Variants in ANK3 observed in about 807,000 individuals in gnomAD.
ANK3 encodes the protein ankyrin 3.
ANK3 carries 57 observed loss-of-function variants against 370.9 expected under a neutral mutation model. That is an observed-to-expected ratio of 0.15 (90% CI 0.12 to 0.19). ANK3 has a LOEUF of 0.19. ANK3 is among the 10% of genes least tolerant of loss of function. The pLI, the probability that ANK3 is intolerant of heterozygous loss-of-function variation, is 1.00. For synonymous variants in ANK3, 1,929 were observed against 1,946.3 expected (o/e 0.99, Z 0.23); for missense variants, 4,439 against 5,302.1 (o/e 0.84, Z 5.06).
intron 2 of ANK3, among the ~76,000 whole-genome samples, chr10:60,486,504 C>CA (rs1328881175): frequency 6.6e-6 from 1 of 152,174 alleles, no homozygotes; most frequent in Admixed American, 6.5e-5. Flanking sequence ...CACTTGAACC[C>CA]AGGAGGCAGA....
At chr10:60,518,931 G>A (rs1168671638) in intron 2 of ANK3, among the ~76,000 whole-genome samples, 2 of 152,164 alleles carry the variant, frequency 1.3e-5, no homozygotes, top group South Asian at 2.1e-4. Flanking sequence ...ACTGGGAGGC[G>A]TCCCCATCTC....
chr10:60,602,501 C>T (rs2078078017), intron 2 of ANK3, among the ~76,000 whole-genome samples: 1 of 152,044 alleles, frequency 6.6e-6, no homozygotes, highest in African/African-American at 2.4e-5. Flanking sequence ...GGATACCAAC[C>T]CTAGAGACCT....
In ANK3 at chr10:60,561,441, G is replaced by A. The variant is rs544368436; in HGVS notation, c.96+53745C>T. On this transcript the variant is annotated intron_variant, in intron 2 of 43. Transcript: ENST00000373827. Reference sequence around the variant, plus strand: ...TGCAAGAAGTTTTAAAATTCCTCACGTACATAAGGCACAGTGGCTAACAAG... The same window carrying A: ...TGCAAGAAGTTTTAAAATTCCTCACATACATAAGGCACAGTGGCTAACAAG... Among the ~76,000 whole-genome samples, 4 of 152,206 alleles carry A rather than the reference G, an allele frequency of 2.6e-5. No individual in the cohort carries two copies. In the East Asian group the frequency reaches 7.7e-4, roughly 29 times the overall value.
At chr10:60,698,802 A>T (rs2133414610) in intron 1 of ANK3, among the ~76,000 whole-genome samples, 1 of 150,210 alleles carries the variant, frequency 6.7e-6, no homozygotes, top group African/African-American at 2.4e-5. Flanking sequence ...ACCTAATGCT[A>T]GATGACGAGC....
At chr10:60,571,055 G>GTT (rs35835220) in intron 2 of ANK3, among the ~76,000 whole-genome samples, 1,809 of 133,524 alleles carry the variant, frequency 0.014, 39 homozygotes, top group African/African-American at 0.042. Context: ...AACCTGACAG[G>GTT]TTTTTTTTTT....
intron 4 of ANK3, among the ~76,000 whole-genome samples, chr10:60,272,662 C>T (rs954199251): frequency 3.3e-5 from 5 of 151,950 alleles, no homozygotes; most frequent in Admixed American, 3.3e-4. Context: ...GTATTTTTAG[C>T]AGAGGTGGGG....
At chr10:60,205,729 C>T in intron 11 of ANK3, 63 bp downstream of exon 11, 2 of 1,213,662 alleles carry the variant, frequency 1.6e-6, no homozygotes, top group Non-Finnish European at 2.5e-6. Context: ...GGCCCTGGGG[C>T]TCTGGCTGCT....
rs770080008 is a variant in ANK3 at position 60,357,275 on chromosome 10, C to T, written c.114+32150G>A. On this transcript the variant is annotated intron_variant, in intron 1 of 43. Transcript: ENST00000280772. ...TGCTAAATTTAATCACCAACAGCTG[C>T]GTCACCTCCAAAGTAACTATTGTGG... 3.3e-5 allele frequency among the ~76,000 whole-genome samples: 5 copies of T among 152,304 alleles called. No individual in the cohort carries two copies. In the East Asian group the frequency reaches 5.8e-4, roughly 18 times the overall value.
chr10:60,616,865 T>A (rs1239212682), intron 1 of ANK3, among the ~76,000 whole-genome samples: 1 of 152,192 alleles, frequency 6.6e-6, no homozygotes, highest in African/African-American at 2.4e-5. Flanking sequence ...ATCTTAGCAT[T>A]TTCATAAAAT....
At chr10:60,502,464 C>T (rs960065643) in intron 2 of ANK3, among the ~76,000 whole-genome samples, 1 of 152,172 alleles carries the variant, frequency 6.6e-6, no homozygotes, top group Non-Finnish European at 1.5e-5. Context: ...ACTATATAAT[C>T]GTTGCCAAAG....
chr10:60,487,660 G>A (rs1292017838), intron 2 of ANK3, among the ~76,000 whole-genome samples: 1 of 151,704 alleles, frequency 6.6e-6, no homozygotes, highest in African/African-American at 2.4e-5. Flanking sequence ...CTAGAAACTA[G>A]ACCTAAGATC....
At chr10:60,661,501 C>A (rs540440633) in intron 1 of ANK3, among the ~76,000 whole-genome samples, 1 of 152,094 alleles carries the variant, frequency 6.6e-6, no homozygotes, top group African/African-American at 2.4e-5. Flanking sequence ...TTTTCTTTAG[C>A]CTATACAAAC....
At chr10:60,180,015 G>A (rs1306512448) in intron 18 of ANK3, among the ~76,000 whole-genome samples, 1 of 151,998 alleles carries the variant, frequency 6.6e-6, no homozygotes, top group Non-Finnish European at 1.5e-5. Flanking sequence ...CTCTCTCTGT[G>A]TGTGAATAAA....
chr10:60,172,440 C>T, intron 20 of ANK3, 37 bp from the exon 21 acceptor site: 4 of 1,550,792 alleles, frequency 2.6e-6, no homozygotes, highest in Non-Finnish European at 3.6e-6. Context: ...AATTAGCAAG[C>T]CTTATTCCAC....
At chr10:60,401,447 T>C (rs539353172) in intron 2 of ANK3, among the ~76,000 whole-genome samples, 1 of 152,230 alleles carries the variant, frequency 6.6e-6, no homozygotes, top group East Asian at 1.9e-4. Context: ...ACAGGATAAA[T>C]AAAAGGAAAA....
intron 16 of ANK3, among the ~76,000 whole-genome samples, chr10:60,193,717 A>T (rs1591546332): frequency 6.6e-6 from 1 of 152,118 alleles, no homozygotes; most frequent in East Asian, 1.9e-4. Flanking sequence ...ACTTTGGTCA[A>T]TTTTACACTG....
At chr10:60,461,244 ACT>A (rs1363183401) in intron 2 of ANK3, among the ~76,000 whole-genome samples, 8 of 151,886 alleles carry the variant, frequency 5.3e-5, no homozygotes, top group Non-Finnish European at 1.2e-4. Flanking sequence ...GAAGAGAAAA[ACT>A]CTTTTCTCAA....
At chr10:60,032,347 T>C (rs1314867535) in intron 43 of ANK3, among the ~76,000 whole-genome samples, 1 of 151,720 alleles carries the variant, frequency 6.6e-6, no homozygotes, top group Non-Finnish European at 1.5e-5. Context: ...GCTGGGATTA[T>C]AGGTGTGTGC....
chr10:60,597,111 T>TA (rs941864490), intron 2 of ANK3, among the ~76,000 whole-genome samples: 23 of 151,838 alleles, frequency 1.5e-4, no homozygotes, highest in Admixed American at 3.9e-4. Flanking sequence ...CCCCCAAATG[T>TA]AAAAAAAATA....
Sources: allele counts gnomAD v4.1 joint callset (sites outside exome capture counted in the v4.1 genomes callset), GRCh38; gene constraint gnomAD v4.1.1; transcripts MANE v1.5; gene names NCBI Gene and HGNC (gene_info 2026-07-23, HGNC 2026-07-21).